The following DPYD variants were observed in gnomAD, a reference collection of about 807,000 sequenced individuals.
DPYD encodes dihydropyrimidine dehydrogenase [NADP(+)].
A neutral mutation model predicts 116.2 loss-of-function variants in DPYD; 109 were observed. That is an observed-to-expected ratio of 0.94 (90% CI 0.80 to 1.10). The LOEUF (loss-of-function observed/expected upper bound fraction) is 1.10. DPYD is among the 50% of genes least tolerant of loss of function. DPYD has a pLI of 0.00. For missense variants in DPYD, 1,302 were observed against 1,254.5 expected (o/e 1.04, Z -0.57); for synonymous variants, 440 against 432.0 (o/e 1.02, Z -0.23).
chr1:97,887,860 A>G (rs4970723), intron 1 of DPYD, among the ~76,000 whole-genome samples: 115,358 of 151,812 alleles, frequency 0.76, 44,038 homozygotes, highest in East Asian at 0.93. Flanking sequence ...GTGAGTTCTC[A>G]CGATATGTGA....
At chr1:97,211,907 T>C (rs1436129787) in intron 19 of DPYD, among the ~76,000 whole-genome samples, 1 of 152,092 alleles carries the variant, frequency 6.6e-6, no homozygotes, top group Non-Finnish European at 1.5e-5. Context: ...TTTGAAGAAA[T>C]AGAACTCCTA....
intron 20 of DPYD, among the ~76,000 whole-genome samples, chr1:97,122,613 C>A (rs954923): frequency 0.027 from 4,062 of 152,106 alleles, 156 homozygotes; most frequent in African/African-American, 0.092. Flanking sequence ...TTAATTATAA[C>A]CAATTTCATC....
chr1:97,676,902 C>T (rs541936761), intron 8 of DPYD, among the ~76,000 whole-genome samples: 8 of 152,294 alleles, frequency 5.3e-5, no homozygotes, highest in African/African-American at 1.9e-4. Flanking sequence ...CACATCACTA[C>T]ACCAAAATGT....
chr1:97,086,123 G>C (rs564435488), intron 21 of DPYD, among the ~76,000 whole-genome samples: 1 of 152,020 alleles, frequency 6.6e-6, no homozygotes, highest in Non-Finnish European at 1.5e-5. Context: ...GCGTGATCTC[G>C]GCTCACTGCA....
At chr1:97,720,631 A>G in intron 5 of DPYD, 1 of 1,246,700 alleles carries the variant, frequency 8.0e-7, no homozygotes, top group Non-Finnish European at 1.0e-6. Context: ...CTTGAGGAAT[A>G]TTATGGGAAG....
intron 20 of DPYD, among the ~76,000 whole-genome samples, chr1:97,179,504 G>A (rs964416112): frequency 2.0e-5 from 3 of 152,226 alleles, no homozygotes; most frequent in South Asian, 2.1e-4. Context: ...GATAAGTAGG[G>A]AAGACAAACG....
At chr1:97,702,539 G>A (rs1186429064) in intron 5 of DPYD, among the ~76,000 whole-genome samples, 1 of 151,866 alleles carries the variant, frequency 6.6e-6, no homozygotes, top group East Asian at 1.9e-4. Flanking sequence ...AGACATTTAT[G>A]ATGTATTTAA....
At chr1:97,644,058 T>C (rs975980291) in intron 8 of DPYD, among the ~76,000 whole-genome samples, 1 of 151,954 alleles carries the variant, frequency 6.6e-6, no homozygotes, top group Non-Finnish European at 1.5e-5. Flanking sequence ...GTTCTGCACA[T>C]GCAACCTAGA....
At chr1:97,686,155 G>GTA (rs1217968385) in intron 7 of DPYD, among the ~76,000 whole-genome samples, 2 of 151,988 alleles carry the variant, frequency 1.3e-5, no homozygotes, top group Non-Finnish European at 2.9e-5. Context: ...GAACAGAACA[G>GTA]AGATCTCAGA....
rs573695503 is a variant in DPYD, at chr1:97,476,727, A to G, written c.1741-26504T>C. ...ATACCATGTTTAGCATTATCGCAAC[A>G]AAAATACTAAAAAAAAAACAGCTTA... On this transcript the variant is annotated intron_variant, in intron 13 of 22. Coordinates refer to ENST00000370192, the MANE Select transcript of DPYD (RefSeq NM_000110.4). Among the ~76,000 whole-genome samples the G allele has an allele frequency of 3.3e-5, 5 of 152,244 alleles. No individual in the cohort carries two copies. In the South Asian group the frequency reaches 1.0e-3, roughly 32 times the overall value.
At chr1:97,123,646 T>C (rs1652614521) in intron 20 of DPYD, among the ~76,000 whole-genome samples, 2 of 152,118 alleles carry the variant, frequency 1.3e-5, no homozygotes, top group African/African-American at 4.8e-5. Flanking sequence ...GATGAGAACA[T>C]TTATTAAGTA....
chr1:97,316,375 A>T (rs1389135088), intron 16 of DPYD, among the ~76,000 whole-genome samples: 2 of 151,224 alleles, frequency 1.3e-5, no homozygotes, highest in Admixed American at 6.6e-5. Flanking sequence ...AAAACCAGGC[A>T]TGGTAACACA....
intron 12 of DPYD, among the ~76,000 whole-genome samples, chr1:97,528,049 T>G (rs1247938011): frequency 6.6e-6 from 1 of 152,180 alleles, no homozygotes; most frequent in Non-Finnish European, 1.5e-5. Flanking sequence ...TAACATTGCA[T>G]AGCTGCTTGT....
intron 8 of DPYD, among the ~76,000 whole-genome samples, chr1:97,648,782 TA>T (rs1220070963): frequency 6.6e-6 from 1 of 152,106 alleles, no homozygotes; most frequent in African/African-American, 2.4e-5. Flanking sequence ...TAATTAACTT[TA>T]AAAAAATAGA....
At chr1:97,668,337 T>C (rs1248455800) in intron 8 of DPYD, among the ~76,000 whole-genome samples, 1 of 152,124 alleles carries the variant, frequency 6.6e-6, no homozygotes, top group East Asian at 1.9e-4. Context: ...AGAAGGTTAC[T>C]TAATATCTGT....
intron 18 of DPYD, among the ~76,000 whole-genome samples, chr1:97,290,288 C>T (rs1270235459): frequency 6.6e-6 from 1 of 151,982 alleles, no homozygotes; most frequent in East Asian, 1.9e-4. Flanking sequence ...TCAATGCCAT[C>T]CCCATCAAGC....
At chr1:97,412,399 T>G (rs1194415456) in intron 14 of DPYD, among the ~76,000 whole-genome samples, 2 of 152,176 alleles carry the variant, frequency 1.3e-5, no homozygotes, top group African/African-American at 2.4e-5. Flanking sequence ...GGGTTTGTTT[T>G]GCAATCTTTT....
intron 8 of DPYD, among the ~76,000 whole-genome samples, chr1:97,665,143 A>C (rs1490357350): frequency 1.3e-5 from 2 of 152,158 alleles, no homozygotes; most frequent in Non-Finnish European, 2.9e-5. Flanking sequence ...AGGCACAAAC[A>C]TAACATTGAT....
intron 11 of DPYD, among the ~76,000 whole-genome samples, chr1:97,566,058 T>G (rs1272654042): frequency 6.6e-6 from 1 of 152,114 alleles, no homozygotes; most frequent in Non-Finnish European, 1.5e-5. Context: ...CTTCCCTCCC[T>G]TCCACCCCCG....
Sources: gnomAD v4.1 joint callset for allele counts (sites outside exome capture counted in the v4.1 genomes callset) on GRCh38, gnomAD v4.1.1 for gene constraint, MANE v1.5 for transcripts, NCBI Gene and HGNC (gene_info 2026-07-23, HGNC 2026-07-21) for gene names.